The following AKAP19 variants were observed in gnomAD, a reference collection of about 807,000 sequenced individuals.
AKAP19 encodes small A-kinase anchoring protein.
chr2:190,055,229 CA>C, the AKAP19 span, among the ~76,000 whole-genome samples: 4 of 146,944 alleles, frequency 2.7e-5, no homozygotes, highest in South Asian at 8.5e-4. Flanking sequence ...ATCACAAGGA[CA>C]AAAAAACCAA....
At chr2:190,089,926 T>C in the AKAP19 span, among the ~76,000 whole-genome samples, 250 of 152,260 alleles carry the variant, frequency 1.6e-3, 1 homozygote, top group African/African-American at 5.7e-3. Flanking sequence ...ACTGGTTCAA[T>C]TGTGCTAGGA....
chr2:189,970,810 A>G, the AKAP19 span, among the ~76,000 whole-genome samples: 1 of 152,210 alleles, frequency 6.6e-6, no homozygotes, highest in Admixed American at 6.5e-5. Flanking sequence ...AGCATATAAA[A>G]GTTTATTTCT....
At chr2:189,964,011 C>A in the AKAP19 span, among the ~76,000 whole-genome samples, 5 of 152,210 alleles carry the variant, frequency 3.3e-5, no homozygotes, top group Non-Finnish European at 7.3e-5. Flanking sequence ...ACCTTGGCCT[C>A]TCAAAGTACT....
At chr2:190,127,770 C>G in the AKAP19 span, among the ~76,000 whole-genome samples, 4 of 152,088 alleles carry the variant, frequency 2.6e-5, no homozygotes. Flanking sequence ...TTTCTCCCTT[C>G]TCTGGCCATT....
At chr2:189,891,277 G>A in the AKAP19 span, among the ~76,000 whole-genome samples, 1 of 138,950 alleles carries the variant, frequency 7.2e-6, no homozygotes, top group Non-Finnish European at 1.5e-5. Context: ...ATGCTGGAGT[G>A]CAGTGGTGTG....
the AKAP19 span, among the ~76,000 whole-genome samples, chr2:189,958,542 T>TATATAA: frequency 4.8e-5 from 7 of 144,474 alleles, no homozygotes; most frequent in African/African-American, 1.5e-4. Flanking sequence ...TATATATATA[T>TATATAA]AACATTGAAG....
At chr2:189,943,113 A>G in the AKAP19 span, among the ~76,000 whole-genome samples, 5 of 152,196 alleles carry the variant, frequency 3.3e-5, no homozygotes, top group Admixed American at 1.3e-4. Context: ...TATCAAAGAC[A>G]ATGAAGAAAA....
At chr2:189,929,552 G>T in the AKAP19 span, among the ~76,000 whole-genome samples, 1 of 54,964 alleles carries the variant, frequency 1.8e-5, no homozygotes, top group Non-Finnish European at 6.5e-5. Context: ...TTGGTTTATT[G>T]ACACTTTTTT....
chr2:190,018,986 G>A, the AKAP19 span, among the ~76,000 whole-genome samples: 4 of 152,174 alleles, frequency 2.6e-5, no homozygotes, highest in African/African-American at 9.7e-5. Flanking sequence ...CTCTGATTGG[G>A]ATGGGTCATA....
chr2:190,126,557 A>G, the AKAP19 span, among the ~76,000 whole-genome samples: 1 of 151,994 alleles, frequency 6.6e-6, no homozygotes, highest in Non-Finnish European at 1.5e-5. Context: ...CTAAATACAT[A>G]TAAAAGAAAT....
At chr2:189,935,632 G>T in the AKAP19 span, among the ~76,000 whole-genome samples, 1 of 151,976 alleles carries the variant, frequency 6.6e-6, no homozygotes, top group African/African-American at 2.4e-5. Flanking sequence ...AAAGCTATTT[G>T]TTACTGCTTG....
At chr2:190,161,035 A>G in the AKAP19 span, among the ~76,000 whole-genome samples, 3 of 152,148 alleles carry the variant, frequency 2.0e-5, no homozygotes, top group Admixed American at 6.5e-5. Flanking sequence ...AGAGACTGGA[A>G]TATTTTTTAA....
At chr2:190,157,566 T>C in the AKAP19 span, among the ~76,000 whole-genome samples, 37 of 152,332 alleles carry the variant, frequency 2.4e-4, no homozygotes, top group Non-Finnish European at 3.8e-4. Flanking sequence ...CTTTCATGAT[T>C]ATCTGATGGG....
chr2:190,116,767 C>G, the AKAP19 span, among the ~76,000 whole-genome samples: 1 of 152,202 alleles, frequency 6.6e-6, no homozygotes, highest in Non-Finnish European at 1.5e-5. Flanking sequence ...AGTTTCCCAT[C>G]TGGCCCAGAA....
chr2:190,087,956 A>T, the AKAP19 span, among the ~76,000 whole-genome samples: 1 of 152,146 alleles, frequency 6.6e-6, no homozygotes, highest in African/African-American at 2.4e-5. Context: ...AGTTTTCCCC[A>T]TGCAAAAAAT....
chr2:190,198,631 C>CAAAA, the AKAP19 span, among the ~76,000 whole-genome samples: 19 of 70,574 alleles, frequency 2.7e-4, no homozygotes, highest in African/African-American at 6.9e-4. Context: ...GACCCTGTCT[C>CAAAA]AAAAAAAAAA....
At chr2:190,142,651 G>T in the AKAP19 span, among the ~76,000 whole-genome samples, 1 of 152,188 alleles carries the variant, frequency 6.6e-6, no homozygotes, top group African/African-American at 2.4e-5. Context: ...TGAAAAGAAA[G>T]CCAAGTTGTG....
At chr2:189,960,313 T>C in the AKAP19 span, among the ~76,000 whole-genome samples, 12 of 152,274 alleles carry the variant, frequency 7.9e-5, 1 homozygote, top group East Asian at 1.7e-3. Flanking sequence ...ACTATTAAAT[T>C]ATCATTGATC....
the AKAP19 span, among the ~76,000 whole-genome samples, chr2:190,039,009 C>CTTT: frequency 1.7e-5 from 2 of 119,212 alleles, no homozygotes; most frequent in African/African-American, 8.2e-5. Context: ...TCTTCTTCTT[C>CTTT]CTCTTCCTCT....
Sources: gnomAD v4.1 joint callset for allele counts (sites outside exome capture counted in the v4.1 genomes callset) on GRCh38, gnomAD v4.1.1 for gene constraint, MANE v1.5 for transcripts, NCBI Gene and HGNC (gene_info 2026-07-23, HGNC 2026-07-21) for gene names.